PHACTR1: variants seen among roughly 807,000 people sequenced by gnomAD.
PHACTR1 encodes the protein phosphatase and actin regulator 1.
PHACTR1 carries 16 observed loss-of-function variants against 69.2 expected under a neutral mutation model. That is an observed-to-expected ratio of 0.23 (90% CI 0.16 to 0.35). PHACTR1 has a LOEUF of 0.35. Ranked by LOEUF, PHACTR1 falls within the 10% of genes least tolerant of loss-of-function variation. The probability of loss-of-function intolerance (pLI) is 1.00; values close to 1 mark genes in which losing one functional copy is unlikely to be tolerated. For missense variants in PHACTR1, 510 were observed against 734.7 expected, an observed-to-expected ratio of 0.69 and a Z score of 3.54; for synonymous variants, 312 against 284.5, an observed-to-expected ratio of 1.10 and a Z score of -0.97.
chr6:13,266,886 C>G, intron 10 of PHACTR1: 1 of 152,264 alleles, frequency 6.6e-6, no homozygotes, highest in East Asian at 1.9e-4. Flanking sequence ...GGACACAGAT[C>G]CAAATCACAC....
At chr6:13,182,998 T>C (rs1762387838) in intron 7 of PHACTR1, among the ~76,000 whole-genome samples, 1 of 152,204 alleles carries the variant, frequency 6.6e-6, no homozygotes, top group Non-Finnish European at 1.5e-5. Context: ...TTCATCTCTG[T>C]TAAGATAAAG....
At chr6:12,777,787 G>A (rs574060249) in intron 4 of PHACTR1, among the ~76,000 whole-genome samples, 46 of 151,910 alleles carry the variant, frequency 3.0e-4, no homozygotes, top group African/African-American at 8.7e-4. Context: ...GCCTGCCACC[G>A]TGCCCGGCTA....
chr6:12,809,211 A>G (rs79537638), intron 4 of PHACTR1, among the ~76,000 whole-genome samples: 19 of 152,250 alleles, frequency 1.2e-4, no homozygotes, highest in African/African-American at 3.8e-4. Flanking sequence ...CTTTTAAGCT[A>G]TCTGTGTTTT....
rs562867629 is a variant in PHACTR1 at position 13,067,553 on chromosome 6, G to A, written c.415+14024G>A. On this transcript the variant is annotated intron_variant, in intron 5 of 14. Coordinates refer to ENST00000332995, the MANE Select transcript of PHACTR1 (RefSeq NM_030948.6). ...AAAGTCTTTAAAGAGGAAAGTCAAG[G>A]TGTAGCATACTCGTCTTTGTATGAA... is the stretch of plus-strand genomic sequence containing the variant. Among the ~76,000 whole-genome samples, 7 of 152,276 alleles carry A rather than the reference G, an allele frequency of 4.6e-5. No individual in the cohort carries two copies. In the East Asian group the frequency reaches 1.2e-3, roughly 25 times the overall value.
At chr6:13,277,609 C>A (rs1276501638) in intron 11 of PHACTR1, among the ~76,000 whole-genome samples, 1 of 152,164 alleles carries the variant, frequency 6.6e-6, no homozygotes, top group Non-Finnish European at 1.5e-5. Context: ...AAGAAAGGAG[C>A]CTCACATCTC....
At position 13,062,695 on chromosome 6, in the gene PHACTR1, C is replaced by T. The variant is rs981895706; in HGVS notation, c.415+9166C>T. 2.0e-5 allele frequency among the ~76,000 whole-genome samples: 3 copies of T among 152,118 alleles called. No individual in the cohort carries two copies. The South Asian group carries it at 6.2e-4, about 32-fold the overall frequency. On this transcript the variant is annotated intron_variant, in intron 5 of 14. Coordinates refer to ENST00000332995, the MANE Select transcript of PHACTR1 (RefSeq NM_030948.6). The stretch of plus-strand genomic sequence containing the variant: ...CCTCTATCAGGAAACCCTAGCATGC[C>T]GTGTCATTGACAGAGTACATTTGCA...
rs576780049 is a variant in PHACTR1, at chr6:12,990,857, C to A, written c.251-62508C>A. On this transcript the variant is annotated intron_variant, in intron 4 of 14. Transcript: ENST00000332995. ...GGATGAAGGTGATCTTTCCCAGAGA[C>A]GACCGGGCTCCTCTCTGAAGTCATG... Among the ~76,000 whole-genome samples, 15 of 152,148 alleles carry A rather than the reference C, an allele frequency of 9.9e-5. No individual in the cohort carries two copies. The East Asian group carries it at 2.9e-3, about 29-fold the overall frequency.
At chr6:13,068,689 C>T (rs1809041751) in intron 5 of PHACTR1, among the ~76,000 whole-genome samples, 1 of 152,072 alleles carries the variant, frequency 6.6e-6, no homozygotes, top group African/African-American at 2.4e-5. Context: ...AAAGTATTTC[C>T]TTTTCTCTGT....
chr6:12,977,241 C>T (rs758679531), intron 4 of PHACTR1, among the ~76,000 whole-genome samples: 5 of 152,074 alleles, frequency 3.3e-5, no homozygotes, highest in East Asian at 3.9e-4. Flanking sequence ...CTTGAGCTAC[C>T]GCGCCTGGCC....
rs911714782 is a variant in PHACTR1 at position 13,275,987 on chromosome 6, C to T, written c.1448-2281C>T. 6 of 152,140 alleles carry T rather than the reference C, an allele frequency of 3.9e-5. No homozygotes were observed. The highest frequency in any genetic ancestry group is 3.4e-3 in the Middle Eastern group (1 of 294). 9.4% of individuals were successfully genotyped at this position (152,140 alleles called of 1,614,324 possible). On this transcript the variant is annotated intron_variant, in intron 11 of 14. Transcript: ENST00000332995. This position sits in a 1 kb window ranked among gnomAD's most constrained non-coding sequence, Gnocchi z 4.0. ...TATCCCACTGAAATTTGCATTTGTA[C>T]AAATGTCACTGTCTGGGGGCTCCCT... is the stretch of plus-strand genomic sequence containing the variant.
chr6:13,284,088 A>G (rs1185730150), intron 13 of PHACTR1, among the ~76,000 whole-genome samples: 1 of 152,222 alleles, frequency 6.6e-6, no homozygotes, highest in African/African-American at 2.4e-5. Flanking sequence ...GTTTTTTAGG[A>G]AAAGCAGTGA....
chr6:12,890,949 C>T (rs1784113736), intron 4 of PHACTR1, among the ~76,000 whole-genome samples: 1 of 152,084 alleles, frequency 6.6e-6, no homozygotes. Context: ...TCATGTATCC[C>T]AGTTGCTGAT....
intron 4 of PHACTR1, among the ~76,000 whole-genome samples, chr6:12,918,398 A>G (rs1410334347): frequency 6.6e-6 from 1 of 152,216 alleles, no homozygotes; most frequent in African/African-American, 2.4e-5. Context: ...TATACTTCAA[A>G]TTGCAAACAC....
rs913473552 is a variant in PHACTR1, at chr6:13,272,518, G to C, written c.1392-342G>C. ...AGAGGCAAGAGGCCACAGTCCCCAA[G>C]TTAGGAGGCCACAAGGAAAGAAAAG... On this transcript the variant is annotated intron_variant, in intron 10 of 14. Coordinates refer to ENST00000332995, the MANE Select transcript of PHACTR1 (RefSeq NM_030948.6). 4.7e-6 allele frequency: 2 copies of C among 424,378 alleles called. 1 individual carries two copies. The highest frequency in any genetic ancestry group is 8.3e-6 in the Non-Finnish European group (2 of 240,562). 26.3% of individuals were successfully genotyped at this position (424,378 alleles called of 1,614,324 possible).
intron 4 of PHACTR1, among the ~76,000 whole-genome samples, chr6:12,927,704 G>T (rs1444035740): frequency 6.6e-6 from 1 of 152,166 alleles, no homozygotes; most frequent in African/African-American, 2.4e-5. Flanking sequence ...TCACATGCCC[G>T]TGATGACAAT....
At chr6:12,856,255 C>CT (rs66541950) in intron 4 of PHACTR1, among the ~76,000 whole-genome samples, 79,866 of 135,532 alleles carry the variant, frequency 0.59, 25,422 homozygotes, top group East Asian at 0.96. Context: ...TTCTTTCTTT[C>CT]TTTTTTTTTT....
chr6:12,785,235 C>T (rs943313139), intron 4 of PHACTR1, among the ~76,000 whole-genome samples: 4 of 152,220 alleles, frequency 2.6e-5, no homozygotes, highest in African/African-American at 7.2e-5. Flanking sequence ...TAGACAAATA[C>T]TGAACCTCAC....
chr6:13,218,786 GA>G (rs911138059), intron 8 of PHACTR1, among the ~76,000 whole-genome samples: 74 of 150,930 alleles, frequency 4.9e-4, no homozygotes, highest in African/African-American at 1.8e-3. Context: ...AGAAGAAGAA[GA>G]AGAAGGAGGA....
At chr6:13,207,900 G>A (rs554280185) in intron 8 of PHACTR1, among the ~76,000 whole-genome samples, 120 of 152,160 alleles carry the variant, frequency 7.9e-4, no homozygotes, top group African/African-American at 2.7e-3. Context: ...GACTCTCGGT[G>A]GCTTTCTCTG....
Sources: allele counts gnomAD v4.1 joint callset (sites outside exome capture counted in the v4.1 genomes callset), GRCh38; gene constraint gnomAD v4.1.1; non-coding constraint Gnocchi (gnomAD v3.1); transcripts MANE v1.5; gene names NCBI Gene and HGNC (gene_info 2026-07-23, HGNC 2026-07-21).